Variants in AHCYL2 observed in about 807,000 individuals in gnomAD.
The protein encoded by AHCYL2 is S-adenosylhomocysteine hydrolase-like protein 2.
In AHCYL2, 28 loss-of-function variants were observed where a neutral mutation model predicts 81.4. The ratio of observed to expected loss-of-function variants is 0.34; its 90% CI spans 0.25 to 0.47. AHCYL2 has a LOEUF of 0.47. Among genes scored for constraint, AHCYL2 ranks in the 20% least tolerant of loss-of-function variants. The pLI is 1.00. For synonymous variants in AHCYL2, 272 were observed against 290.2 expected, an observed-to-expected ratio of 0.94 and a Z score of 0.64; for missense variants, 551 against 785.1, an observed-to-expected ratio of 0.70 and a Z score of 3.56.
Position 129,242,443 on chromosome 7 carries a change from T to C in AHCYL2, c.363+17004T>C, listed in dbSNP as rs575320286. On this transcript the variant is annotated intron_variant, in intron 1 of 16. Coordinates refer to ENST00000325006, the MANE Select transcript of AHCYL2 (RefSeq NM_015328.4). ...AGCAAAATTGCTTATGGTGGCCGGG[T>C]GCAGTGGCTCACGCCTATAATCCCA... Among the ~76,000 whole-genome samples, 10 of 151,708 alleles carry C rather than the reference T, an allele frequency of 6.6e-5. No individual in the cohort carries two copies. The South Asian group carries it at 8.4e-4, about 13-fold the overall frequency.
chr7:129,343,487 G>C (rs1462174405), intron 1 of AHCYL2, among the ~76,000 whole-genome samples: 1 of 152,132 alleles, frequency 6.6e-6, no homozygotes, highest in Non-Finnish European at 1.5e-5. Context: ...TAAGAAGAAA[G>C]GGAGAGGGGG....
intron 1 of AHCYL2, among the ~76,000 whole-genome samples, chr7:129,276,490 C>A (rs1249506951): frequency 6.6e-6 from 1 of 150,498 alleles, no homozygotes. Flanking sequence ...GTGGCTCATG[C>A]CTATAATCCC....
At chr7:129,403,885 A>T (rs1796163397) in intron 7 of AHCYL2, among the ~76,000 whole-genome samples, 1 of 127,350 alleles carries the variant, frequency 7.9e-6, no homozygotes, top group East Asian at 2.3e-4. Context: ...AAAAAAAAAA[A>T]AAAAAATTGG....
At chr7:129,255,600 G>A (rs1007052362) in intron 1 of AHCYL2, among the ~76,000 whole-genome samples, 9 of 152,214 alleles carry the variant, frequency 5.9e-5, no homozygotes, top group Admixed American at 3.3e-4. Flanking sequence ...GTGTGCGTGC[G>A]CACGCGCATG....
At chr7:129,263,824 G>A (rs1372129524) in intron 1 of AHCYL2, among the ~76,000 whole-genome samples, 2 of 152,146 alleles carry the variant, frequency 1.3e-5, no homozygotes, top group Non-Finnish European at 2.9e-5. Context: ...ATCTGTTTCA[G>A]ATATAGAAGG....
chr7:129,334,221 T>TA (rs1319485999), intron 1 of AHCYL2, among the ~76,000 whole-genome samples: 2 of 152,210 alleles, frequency 1.3e-5, no homozygotes, highest in Non-Finnish European at 2.9e-5. Flanking sequence ...TGAATATAAG[T>TA]AAAAAACTAC....
intron 2 of AHCYL2, among the ~76,000 whole-genome samples, chr7:129,381,852 G>A (rs560419228): frequency 1.3e-5 from 2 of 152,254 alleles, no homozygotes; most frequent in Admixed American, 6.5e-5. Flanking sequence ...TAATCTACAG[G>A]AAGTGTTAGT....
At chr7:129,362,597 GTTTT>G (rs769346623) in intron 1 of AHCYL2, among the ~76,000 whole-genome samples, 3,379 of 63,616 alleles carry the variant, frequency 0.053, 73 homozygotes, top group African/African-American at 0.17. Flanking sequence ...TGGTTTTCTT[GTTTT>G]TTTTTTTTTT....
intron 4 of AHCYL2, among the ~76,000 whole-genome samples, chr7:129,391,411 T>C (rs35060087): frequency 0.024 from 3,662 of 152,354 alleles, 73 homozygotes; most frequent in Admixed American, 0.057. Context: ...GGAACTTTTA[T>C]TGGGACATTT....
chr7:129,378,740 C>T (rs2150882499), intron 1 of AHCYL2, among the ~76,000 whole-genome samples: 1 of 152,308 alleles, frequency 6.6e-6, no homozygotes, highest in South Asian at 2.1e-4. Context: ...GCAATTTTCT[C>T]ATCTAGATAT....
In AHCYL2 at chr7:129,305,839, T is replaced by G. The variant is rs75018888; in HGVS notation, c.364-73799T>G. Among the ~76,000 whole-genome samples, 515 of 152,346 alleles carry G rather than the reference T, an allele frequency of 3.4e-3. 1 individual carries two copies. Among genetic ancestry groups the G allele is most frequent in the African/African-American group, 0.012 (498 of 41,580 alleles). On this transcript the variant is annotated intron_variant, in intron 1 of 16. Coordinates refer to ENST00000325006, the MANE Select transcript of AHCYL2 (RefSeq NM_015328.4). ...TGGGAAAGTCTTTATTTCTCCTTCATGTTTGAAGCATATTTTCACTGGATA... is the reference window on the plus strand; with the variant it reads ...TGGGAAAGTCTTTATTTCTCCTTCAGGTTTGAAGCATATTTTCACTGGATA...
At chr7:129,283,962 T>C (rs1336238766) in intron 1 of AHCYL2, among the ~76,000 whole-genome samples, 2 of 152,180 alleles carry the variant, frequency 1.3e-5, no homozygotes, top group African/African-American at 4.8e-5. Flanking sequence ...TTAAAAAATT[T>C]TAATATCTTT....
intron 1 of AHCYL2, among the ~76,000 whole-genome samples, chr7:129,373,952 C>T (rs1232001095): frequency 2.0e-5 from 3 of 152,062 alleles, no homozygotes; most frequent in Non-Finnish European, 4.4e-5. Context: ...ATTTCTGTTT[C>T]CATTTCTGGT....
At chr7:129,353,324 T>C (rs1160844522) in intron 1 of AHCYL2, among the ~76,000 whole-genome samples, 2 of 152,184 alleles carry the variant, frequency 1.3e-5, no homozygotes, top group African/African-American at 2.4e-5. Context: ...CAAGTAATCT[T>C]TCTATTCCTT....
chr7:129,238,681 G>C (rs1794725825), intron 1 of AHCYL2, among the ~76,000 whole-genome samples: 1 of 152,176 alleles, frequency 6.6e-6, no homozygotes, highest in Non-Finnish European at 1.5e-5. Context: ...GCCGGGCGCG[G>C]TGGCTCACGC....
intron 1 of AHCYL2, among the ~76,000 whole-genome samples, chr7:129,335,508 G>A (rs557877764): frequency 1.3e-3 from 202 of 152,214 alleles, no homozygotes; most frequent in Non-Finnish European, 1.6e-3. Flanking sequence ...TAAAGTAATC[G>A]TTTACTTTGC....
rs146436475 is a variant in AHCYL2 at position 129,231,318 on chromosome 7, C to T, written c.363+5879C>T. Among the ~76,000 whole-genome samples the T allele has an allele frequency of 8.1e-4, 123 of 152,132 alleles. 2 individuals carry two copies. Among genetic ancestry groups the T allele is most frequent in the African/African-American group, 2.9e-3 (120 of 41,522 alleles). On this transcript the variant is annotated intron_variant, in intron 1 of 16. Coordinates refer to ENST00000325006, the MANE Select transcript of AHCYL2 (RefSeq NM_015328.4). ...GATGTCTTGAGGAAGACAATTACTACTACTACTACTACTAGTACTACCTAC... is the reference window on the plus strand; with the variant it reads ...GATGTCTTGAGGAAGACAATTACTATTACTACTACTACTAGTACTACCTAC...
At chr7:129,346,178 A>G (rs565896110) in intron 1 of AHCYL2, among the ~76,000 whole-genome samples, 2 of 152,154 alleles carry the variant, frequency 1.3e-5, no homozygotes, top group African/African-American at 2.4e-5. Flanking sequence ...TTCCTTCAGT[A>G]TTGTGTCTCC....
chr7:129,228,275 A>G (rs565440078), intron 1 of AHCYL2, among the ~76,000 whole-genome samples: 2 of 152,308 alleles, frequency 1.3e-5, no homozygotes, highest in African/African-American at 4.8e-5. Context: ...TTCACATATC[A>G]TCAGTTTTCT....
Sources: allele counts gnomAD v4.1 joint callset (sites outside exome capture counted in the v4.1 genomes callset), GRCh38; gene constraint gnomAD v4.1.1; transcripts MANE v1.5; gene names NCBI Gene and HGNC (gene_info 2026-07-23, HGNC 2026-07-21).